The following TRIM4 variants were observed in gnomAD, a reference collection of about 807,000 sequenced individuals.
The protein encoded by TRIM4 is tripartite motif containing 4, also known as E3 ubiquitin-protein ligase TRIM4.
In TRIM4, 29 loss-of-function variants were observed where a neutral mutation model predicts 33.7. The ratio of observed to expected loss-of-function variants is 0.86; its 90% CI spans 0.64 to 1.17. TRIM4 has a LOEUF of 1.17. Ranked by LOEUF, TRIM4 falls within the 50% of genes most tolerant of loss-of-function variation. TRIM4 has a pLI of 0.00. For missense variants in TRIM4, 554 were observed against 593.7 expected (o/e 0.93, Z 0.69); for synonymous variants, 224 against 233.0 (o/e 0.96, Z 0.35).
intron 3 of TRIM4, chr7:99,908,369 T>C: frequency 6.2e-6 from 3 of 487,178 alleles, no homozygotes; most frequent in Non-Finnish European, 1.1e-5. Context: ...TGAATCAACT[T>C]ATCTCCTATG....
intron 3 of TRIM4, among the ~76,000 whole-genome samples, chr7:99,904,751 G>T (rs1819257931): frequency 6.6e-6 from 1 of 152,120 alleles, no homozygotes; most frequent in Non-Finnish European, 1.5e-5. Context: ...GCTTTATCTG[G>T]ATGAGTACAG....
chr7:99,919,176 G>C lies in TRIM4; in HGVS notation c.226C>G (p.Arg76Gly), dbSNP rs1200258795. The C allele has an allele frequency of 4.1e-5, 60 of 1,473,708 alleles. No individual in the cohort carries two copies. The highest frequency in any genetic ancestry group is 5.3e-5 in the Non-Finnish European group (59 of 1,114,538). 91.3% of individuals were successfully genotyped at this position (1,473,708 alleles called of 1,614,324 possible). ...ALARLTEKTQ[R>G]RRLGPVPPGL... Reference sequence around the variant, plus strand: ...GGGGGCACGGGGCCCAGGCGCCGGCGCTGCGTCTTCTCAGTCAGCCTGGCC... The same window carrying C: ...GGGGGCACGGGGCCCAGGCGCCGGCCCTGCGTCTTCTCAGTCAGCCTGGCC... The change falls in exon 1 of 6, where the codon CGC (arginine) becomes GGC (glycine). Residue 76 changes from arginine (R) to glycine (G), a missense_variant. Arg to Gly is a moderately radical substitution (Grantham distance 125, BLOSUM62 -2). Around this residue, in one of 3 missense-constraint regions of TRIM4, gnomAD observed 233 missense variants for 203.1 expected, o/e 1.15. Transcript: ENST00000349062.
chr7:99,906,565 G>A (rs1819310638), intron 3 of TRIM4, among the ~76,000 whole-genome samples: 2 of 152,046 alleles, frequency 1.3e-5, no homozygotes, highest in South Asian at 4.1e-4. Context: ...GGAATACAGA[G>A]CAATAAAGGT....
At chr7:99,917,823 G>A in intron 1 of TRIM4, 1 of 985,314 alleles carries the variant, frequency 1.0e-6, no homozygotes, top group Non-Finnish European at 1.2e-6. Context: ...AGTAATGGGA[G>A]GGGGTGGGGC....
At position 99,908,616 on chromosome 7, in the gene TRIM4, T is replaced by TC. The variant is rs756622593; in HGVS notation, c.685dup (p.Glu229GlyfsTer22). 102 of 1,613,486 alleles carry TC rather than the reference T, an allele frequency of 6.3e-5. 1 individual carries two copies. In the South Asian group the frequency reaches 8.7e-4, roughly 14 times the overall value. On this transcript the variant is annotated frameshift_variant, in exon 3 of 6. Coordinates refer to ENST00000349062, the MANE Select transcript of TRIM4 (RefSeq NM_033091.3). LOFTEE classifies it high-confidence loss of function. ...CTCCAGGGTGGGAGCCTGGCTCTTC[T>TC]CCCCCACCTCTAAGATGAGCTTCTT...
At chr7:99,916,151 T>C (rs956048361) in intron 1 of TRIM4, among the ~76,000 whole-genome samples, 1 of 152,202 alleles carries the variant, frequency 6.6e-6, no homozygotes, top group Non-Finnish European at 1.5e-5. Flanking sequence ...TTAAGGGCTA[T>C]GTTCCCCTTT....
chr7:99,907,317 C>T (rs940045506), intron 3 of TRIM4, among the ~76,000 whole-genome samples: 1 of 152,174 alleles, frequency 6.6e-6, no homozygotes, highest in Non-Finnish European at 1.5e-5. Context: ...ACCATGTTGG[C>T]CAGTCTGGTC....
In TRIM4 at chr7:99,908,663, G is replaced by A; in HGVS notation, c.639C>T (p.Leu213=). 1 of 1,614,096 alleles carries A rather than the reference G, an allele frequency of 6.2e-7. No homozygotes were observed. Among genetic ancestry groups the A allele is most frequent in the South Asian group, 1.1e-5 (1 of 91,074 alleles). ...TCTTCAATGAAGCGATAGTTTGATT[G>A]AGTTTTAACGTGTTCTCATTCAGCT... is the stretch of plus-strand genomic sequence containing the variant. ...KKKLNENTLK[L]NQTIASLKKL... The change falls in exon 3 of 6, where the codon CTC becomes CTT. Residue 213 remains leucine, a synonymous_variant. Transcript: ENST00000349062.
At chr7:99,910,716 G>T (rs903105852) in intron 1 of TRIM4, among the ~76,000 whole-genome samples, 13 of 152,272 alleles carry the variant, frequency 8.5e-5, no homozygotes, top group African/African-American at 2.9e-4. Flanking sequence ...ATGCATTTTT[G>T]CTTTAATTTC....
chr7:99,908,917 C>T (rs1172867280), intron 2 of TRIM4, 105 bp from the exon 3 acceptor site: 2 of 1,073,668 alleles, frequency 1.9e-6, no homozygotes, highest in East Asian at 2.5e-5. Flanking sequence ...ATCAAACCCT[C>T]TTGAAAAGCT....
chr7:99,903,410 T>C, intron 4 of TRIM4, 95 bp from the exon 5 acceptor site: 2 of 1,354,662 alleles, frequency 1.5e-6, no homozygotes, highest in South Asian at 2.5e-5. Context: ...TTCAGATGGC[T>C]TCTGTTCCCA....
chr7:99,897,524 A>C (rs1256212192), intron 5 of TRIM4, among the ~76,000 whole-genome samples: 1 of 152,170 alleles, frequency 6.6e-6, no homozygotes, highest in East Asian at 1.9e-4. Flanking sequence ...ACATGTATTG[A>C]AACATCACAC....
chr7:99,902,810 G>A (rs553139340), intron 5 of TRIM4, among the ~76,000 whole-genome samples: 1 of 151,454 alleles, frequency 6.6e-6, no homozygotes, highest in East Asian at 2.0e-4. Context: ...TTTTCCACCT[G>A]CCAAACTCCT....
intron 1 of TRIM4, among the ~76,000 whole-genome samples, chr7:99,914,679 C>A (rs532465882): frequency 1.3e-5 from 2 of 152,196 alleles, no homozygotes; most frequent in Non-Finnish European, 2.9e-5. Context: ...TCCAGCTCTC[C>A]CCCGCCTCAG....
Position 99,919,449 on chromosome 7 carries a change from G to C in TRIM4, c.-48C>G, listed in dbSNP as rs974463821. ...GGAGTCCGACGTGAGGCGCGGGAGA[G>C]GCCAGCAAGCTGCGAGCGGCCGCGG... On this transcript the variant is annotated 5_prime_UTR_variant, in exon 1 of 6. Coordinates refer to ENST00000349062, the MANE Select transcript of TRIM4 (RefSeq NM_033091.3). The C allele has an allele frequency of 5.5e-6, 8 of 1,457,752 alleles. No individual in the cohort carries two copies. In the Admixed American group the frequency reaches 1.1e-4, roughly 20 times the overall value. 90.3% of individuals were successfully genotyped at this position (1,457,752 alleles called of 1,614,324 possible). A position where few individuals can be genotyped will look rare whatever the true frequency, so the allele number is the denominator to read the frequency against.
intron 1 of TRIM4, among the ~76,000 whole-genome samples, chr7:99,914,548 A>G (rs914959110): frequency 3.3e-5 from 5 of 152,180 alleles, no homozygotes; most frequent in Admixed American, 2.0e-4. Context: ...AAATCTGAAC[A>G]CTTCATTGTG....
At chr7:99,892,949 C>A (rs1441400755) in intron 5 of TRIM4, among the ~76,000 whole-genome samples, 1 of 152,166 alleles carries the variant, frequency 6.6e-6, no homozygotes, top group African/African-American at 2.4e-5. Flanking sequence ...CCCTTCTGCT[C>A]TAAAAGACTA....
intron 1 of TRIM4, 80 bp from the exon 2 acceptor site, chr7:99,909,740 T>TG: frequency 8.0e-7 from 1 of 1,246,236 alleles, no homozygotes; most frequent in Non-Finnish European, 1.1e-6. Context: ...TTTTTTTTTT[T>TG]TTTTTTTTTT....
chr7:99,894,660 C>G (rs1428127568), intron 5 of TRIM4, among the ~76,000 whole-genome samples: 2 of 149,400 alleles, frequency 1.3e-5, no homozygotes, highest in African/African-American at 2.5e-5. Context: ...GACCAAGACT[C>G]CATCCCCCCC....
Sources: allele counts gnomAD v4.1 joint callset (sites outside exome capture counted in the v4.1 genomes callset), GRCh38; gene constraint gnomAD v4.1.1; regional missense constraint gnomAD v4.1.1; transcripts MANE v1.5; gene names NCBI Gene and HGNC (gene_info 2026-07-23, HGNC 2026-07-21).